DAPK1: variants seen among roughly 807,000 people sequenced by gnomAD.
The protein encoded by DAPK1 is death-associated protein kinase 1.
Under a neutral mutation model 144.9 loss-of-function variants are expected in DAPK1, and 56 were observed. That is an observed-to-expected ratio of 0.39 (90% CI 0.31 to 0.48). The LOEUF (loss-of-function observed/expected upper bound fraction) is 0.48. Ranked by LOEUF, DAPK1 falls within the 20% of genes least tolerant of loss-of-function variation. DAPK1 has a pLI of 0.95. For synonymous variants in DAPK1, 690 were observed against 749.0 expected (o/e 0.92, Z 1.29); for missense variants, 1,454 against 1,875.4 (o/e 0.78, Z 4.15).
Position 87,686,678 on chromosome 9 carries a change from G to C in DAPK1, c.2352G>C (p.Pro784=). Residue 784 remains proline, a synonymous_variant, in exon 21 of 26, where the codon CCG becomes CCC. Transcript: ENST00000408954. The surrounding 1 kb of genome is among the most constrained non-coding windows in gnomAD (Gnocchi z 4.2). ...LEVFVAPTHH[P]HCSADDQSTK... is the part of the protein sequence containing the mutation. ...TGTTTGTGGCCCCGACCCACCACCC[G>C]CACTGCTCGGCCGATGACCAGTCCA... 1 of 1,613,074 alleles carries C rather than the reference G, an allele frequency of 6.2e-7. No individual in the cohort carries two copies. The highest frequency in any genetic ancestry group is 8.5e-7 in the Non-Finnish European group (1 of 1,179,174).
At chr9:87,545,262 T>C (rs1339559500) in intron 2 of DAPK1, among the ~76,000 whole-genome samples, 1 of 152,134 alleles carries the variant, frequency 6.6e-6, no homozygotes, top group African/African-American at 2.4e-5. Flanking sequence ...GGTTAGGAAG[T>C]GCGTAATGAG....
intron 18 of DAPK1, among the ~76,000 whole-genome samples, chr9:87,667,004 G>T (rs1278778473): frequency 6.6e-6 from 1 of 152,158 alleles, no homozygotes; most frequent in Non-Finnish European, 1.5e-5. Flanking sequence ...TAACCTGGGA[G>T]CCCAGGATGT....
chr9:87,645,964 C>G lies in DAPK1; in HGVS notation c.1081C>G (p.Gln361Glu). The change falls in exon 12 of 26, where the codon CAG becomes GAG. Residue 361 changes from glutamine to glutamate, a missense_variant. Coordinates refer to ENST00000408954, the MANE Select transcript of DAPK1 (RefSeq NM_004938.4). ...AINDDNVPGL[Q>E]HLLGSLSNYD... ...CAACGATGACAATGTCCCAGGCCTG[C>G]AGCACCTTCTGGGCTCATTATCCAA... The G allele has an allele frequency of 6.2e-7, 1 of 1,614,102 alleles. No homozygotes were observed.
intron 19 of DAPK1, among the ~76,000 whole-genome samples, chr9:87,678,874 T>C (rs1824501974): frequency 6.6e-6 from 1 of 152,196 alleles, no homozygotes; most frequent in East Asian, 1.9e-4. Context: ...GTCAGTATAG[T>C]TCCTGTTGAG....
At chr9:87,593,183 A>G (rs1014346211) in intron 2 of DAPK1, among the ~76,000 whole-genome samples, 1 of 152,204 alleles carries the variant, frequency 6.6e-6, no homozygotes, top group Non-Finnish European at 1.5e-5. Context: ...TCTCCCAAGC[A>G]TGTTGGCCAC....
chr9:87,542,774 G>A (rs1284092340), intron 2 of DAPK1, among the ~76,000 whole-genome samples: 1 of 152,150 alleles, frequency 6.6e-6, no homozygotes, highest in East Asian at 1.9e-4. Context: ...TAATGCCTTT[G>A]CCATTGCCCA....
intron 2 of DAPK1, among the ~76,000 whole-genome samples, chr9:87,548,843 C>T (rs917601996): frequency 2.0e-5 from 3 of 151,174 alleles, no homozygotes; most frequent in East Asian, 1.9e-4. Context: ...GGACAAAATC[C>T]ACCCTCCACA....
intron 2 of DAPK1, among the ~76,000 whole-genome samples, chr9:87,503,554 C>T (rs1343055926): frequency 6.6e-6 from 1 of 152,152 alleles, no homozygotes; most frequent in Non-Finnish European, 1.5e-5. Flanking sequence ...TGGACTTGCT[C>T]CTCACTTTTT....
Position 87,646,015 on chromosome 9 carries a change from G to A in DAPK1, c.1131+1G>A. 1 of 1,613,742 alleles carries A rather than the reference G, an allele frequency of 6.2e-7. No homozygotes were observed. Among genetic ancestry groups the A allele is most frequent in the African/African-American group, 1.3e-5 (1 of 74,996 alleles). ...CTATGATGTTAACCAACCCAACAAG[G>A]TCTGGTTCTGTTCTGCCGCATACTG... On this transcript the variant is annotated splice_donor_variant, in intron 12 of 25. Coordinates refer to ENST00000408954, the MANE Select transcript of DAPK1 (RefSeq NM_004938.4). LOFTEE classifies it high-confidence loss of function.
rs568333708 is a variant in DAPK1 at position 87,584,920 on chromosome 9, A to G, written c.63-20034A>G. ...TCGAACTCCTGACCTCAGGTGATCC[A>G]CCCACCTCGGCCTCTCAAAGTTCTG... On this transcript the variant is annotated intron_variant, in intron 2 of 25. Transcript: ENST00000408954. 4.6e-5 allele frequency among the ~76,000 whole-genome samples: 7 copies of G among 152,170 alleles called. No homozygotes were observed. The East Asian group carries it at 9.7e-4, about 21-fold the overall frequency.
intron 2 of DAPK1, among the ~76,000 whole-genome samples, chr9:87,565,238 C>T (rs931304569): frequency 3.5e-5 from 5 of 142,926 alleles, no homozygotes; most frequent in Admixed American, 2.0e-4. Context: ...AAACGAGTGT[C>T]GAGGCTGTAG....
At chr9:87,554,645 G>T (rs1296238231) in intron 2 of DAPK1, among the ~76,000 whole-genome samples, 2 of 152,136 alleles carry the variant, frequency 1.3e-5, no homozygotes, top group Non-Finnish European at 2.9e-5. Context: ...CGGCAGTAAT[G>T]CGCTAGTTGC....
chr9:87,503,387 T>C (rs1298548541), intron 2 of DAPK1, among the ~76,000 whole-genome samples: 1 of 152,098 alleles, frequency 6.6e-6, no homozygotes, highest in East Asian at 1.9e-4. Context: ...ACCTTGGCCT[T>C]CCAAAGCTCT....
chr9:87,614,530 C>T (rs1294932002), intron 3 of DAPK1, among the ~76,000 whole-genome samples: 2 of 152,178 alleles, frequency 1.3e-5, no homozygotes, highest in African/African-American at 4.8e-5. Context: ...GGTGCAGGTC[C>T]TGCAAATTGT....
At chr9:87,600,600 G>GA (rs536705692) in intron 2 of DAPK1, among the ~76,000 whole-genome samples, 68 of 147,848 alleles carry the variant, frequency 4.6e-4, no homozygotes, top group Admixed American at 1.5e-3. Flanking sequence ...CTCAAGAAAA[G>GA]AAAAAAAAAA....
At chr9:87,568,115 G>T (rs1467807175) in intron 2 of DAPK1, among the ~76,000 whole-genome samples, 2 of 152,222 alleles carry the variant, frequency 1.3e-5, no homozygotes, top group Admixed American at 1.3e-4. Context: ...GCAGACAGCA[G>T]TGAGGAGGAG....
At chr9:87,687,631 ATTTCC>A (rs534213587) in intron 21 of DAPK1, among the ~76,000 whole-genome samples, 26 of 152,224 alleles carry the variant, frequency 1.7e-4, no homozygotes, top group African/African-American at 5.8e-4. Context: ...TGATATACTG[ATTTCC>A]TTTCCTTTGG....
chr9:87,507,818 T>G (rs1256105661), intron 2 of DAPK1, among the ~76,000 whole-genome samples: 2 of 152,192 alleles, frequency 1.3e-5, no homozygotes, highest in Admixed American at 1.3e-4. Context: ...GGTACGGACT[T>G]CTTTTGGGAC....
chr9:87,666,247 G>A (rs1831049034), intron 18 of DAPK1, among the ~76,000 whole-genome samples: 1 of 152,104 alleles, frequency 6.6e-6, no homozygotes, highest in African/African-American at 2.4e-5. Context: ...TTGCAGATGA[G>A]GAAACCCAGG....
Sources: allele counts gnomAD v4.1 joint callset (sites outside exome capture counted in the v4.1 genomes callset), GRCh38; gene constraint gnomAD v4.1.1; non-coding constraint Gnocchi (gnomAD v3.1); transcripts MANE v1.5; gene names NCBI Gene and HGNC (gene_info 2026-07-23, HGNC 2026-07-21).